The following RNF216 variants were observed in gnomAD, a reference collection of about 807,000 sequenced individuals.
RNF216 encodes ring finger protein 216.
In RNF216, 72 loss-of-function variants were observed where a neutral mutation model predicts 110.8. The observed-to-expected ratio is 0.65, with a 90% confidence interval of 0.54 to 0.79. The LOEUF is 0.79. RNF216 is among the 30% of genes least tolerant of loss of function. The pLI is 0.00. For synonymous variants in RNF216, 495 were observed against 407.5 expected (o/e 1.21, Z -2.59); for missense variants, 1,342 against 1,141.2 (o/e 1.18, Z -2.54).
chr7:5,676,747 G>T (rs1016583379), intron 13 of RNF216, among the ~76,000 whole-genome samples: 1 of 152,206 alleles, frequency 6.6e-6, no homozygotes, highest in Non-Finnish European at 1.5e-5. Context: ...GGGAGAGAAA[G>T]AAAACTCCTA....
intron 15 of RNF216, among the ~76,000 whole-genome samples, chr7:5,635,154 C>T (rs1787321698): frequency 6.6e-6 from 1 of 152,140 alleles, no homozygotes; most frequent in Admixed American, 6.6e-5. Context: ...GCACTGCCTC[C>T]CAGTCCCATG....
At chr7:5,641,500 G>A (rs1395979808) in intron 14 of RNF216, 124 bp from the exon 15 acceptor site, 9 of 770,566 alleles carry the variant, frequency 1.2e-5, no homozygotes, top group East Asian at 5.4e-5. Context: ...ACATTAAACA[G>A]TGAAAAGAGC....
intron 1 of RNF216, among the ~76,000 whole-genome samples, chr7:5,779,761 G>A (rs1368300125): frequency 2.7e-5 from 4 of 150,666 alleles, no homozygotes; most frequent in Non-Finnish European, 5.9e-5. Context: ...GCTGGCAGGC[G>A]GAGGGTGCAG....
intron 3 of RNF216, among the ~76,000 whole-genome samples, chr7:5,746,631 G>T (rs116486709): frequency 6.6e-6 from 1 of 152,138 alleles, no homozygotes; most frequent in Non-Finnish European, 1.5e-5. Context: ...TGGAGCCAAC[G>T]TCATCCCGGT....
At chr7:5,689,670 A>G (rs1753705267) in intron 13 of RNF216, among the ~76,000 whole-genome samples, 1 of 152,210 alleles carries the variant, frequency 6.6e-6, no homozygotes, top group South Asian at 2.1e-4. Flanking sequence ...AATAGTACAA[A>G]GGCCAGGCAT....
At chr7:5,753,624 G>C (rs1457200646) in intron 2 of RNF216, among the ~76,000 whole-genome samples, 4 of 152,260 alleles carry the variant, frequency 2.6e-5, no homozygotes, top group Middle Eastern at 3.4e-3. Context: ...TGTTTGATAT[G>C]AATTACTGGG....
Position 5,621,005 on chromosome 7 carries a change from G to A in RNF216, c.*1855C>T, listed in dbSNP as rs554409637. The A allele has an allele frequency of 6.6e-6, 1 of 152,320 alleles. No homozygotes were observed. Among genetic ancestry groups the A allele is most frequent in the South Asian group, 2.1e-4 (1 of 4,828 alleles). 9.4% of individuals were successfully genotyped at this position (152,320 alleles called of 1,614,324 possible). On this transcript the variant is annotated 3_prime_UTR_variant, in exon 17 of 17. Transcript: ENST00000389902. ...GCCTTTCCAAGGCACTGTCGTTCAG[G>A]CTAGTAGCAAAGTTCAGGCAGTCCA...
At chr7:5,693,114 G>A (rs1019404308) in intron 13 of RNF216, among the ~76,000 whole-genome samples, 2 of 152,182 alleles carry the variant, frequency 1.3e-5, no homozygotes, top group African/African-American at 4.8e-5. Context: ...TATGGTATAT[G>A]CTACGGGTTG....
intron 1 of RNF216, among the ~76,000 whole-genome samples, chr7:5,770,191 G>A (rs1175628194): frequency 3.3e-5 from 5 of 151,978 alleles, no homozygotes; most frequent in Admixed American, 6.6e-5. Context: ...GCTGGGCGCC[G>A]TGGCTCACAT....
intron 13 of RNF216, among the ~76,000 whole-genome samples, chr7:5,664,784 A>G (rs960443663): frequency 6.6e-6 from 1 of 152,182 alleles, no homozygotes; most frequent in Admixed American, 6.5e-5. Context: ...CTTAAAGGAC[A>G]CACAAAATTC....
intron 14 of RNF216, among the ~76,000 whole-genome samples, chr7:5,642,849 A>G (rs1265495447): frequency 1.3e-5 from 2 of 152,230 alleles, no homozygotes; most frequent in African/African-American, 4.8e-5. Context: ...GCAATTTTCT[A>G]CAGCACAAAC....
intron 13 of RNF216, among the ~76,000 whole-genome samples, chr7:5,667,181 A>G (rs1584411835): frequency 1.3e-5 from 2 of 152,178 alleles, no homozygotes; most frequent in South Asian, 4.1e-4. Context: ...TGACTAGTGG[A>G]TTTAAAGTTA....
At chr7:5,691,046 G>T (rs780841105) in intron 13 of RNF216, among the ~76,000 whole-genome samples, 1 of 152,154 alleles carries the variant, frequency 6.6e-6, no homozygotes, top group Non-Finnish European at 1.5e-5. Flanking sequence ...TCTCTTCCCA[G>T]CTCACACAGC....
Position 5,641,186 on chromosome 7 carries a change from A to G in RNF216, c.2350T>C (p.Cys784Arg). ...PRSPGAPCQE[C>R]SRCSLWTDPT... ...TCGGTCCAGAGAGAGCATCTTGAAC[A>G]CTCCTGGCAAGGGGCTCCTGGTGAG... The change falls in exon 15 of 17, where the codon TGT (cysteine) becomes CGT (arginine). Residue 784 changes from cysteine (C) to arginine (R), a missense_variant. By Grantham distance (180) the Cys-to-Arg change is radical (BLOSUM62 -3). Coordinates refer to ENST00000389902, the MANE Select transcript of RNF216 (RefSeq NM_207111.4). 6.2e-7 allele frequency: 1 copy of G among 1,614,112 alleles called. No homozygotes were observed. Among genetic ancestry groups the G allele is most frequent in the Non-Finnish European group, 8.5e-7 (1 of 1,180,018 alleles).
intron 1 of RNF216, among the ~76,000 whole-genome samples, chr7:5,778,472 CTA>C (rs1214050188): frequency 6.6e-5 from 10 of 152,290 alleles, no homozygotes; most frequent in South Asian, 2.1e-4. Flanking sequence ...ATTTAGGAAA[CTA>C]TGTGTAATTT....
intron 3 of RNF216, among the ~76,000 whole-genome samples, chr7:5,744,340 G>A (rs1197936439): frequency 6.6e-6 from 1 of 152,106 alleles, no homozygotes; most frequent in African/African-American, 2.4e-5. Context: ...GTAAGGCATA[G>A]ACAAAATGCA....
At chr7:5,720,207 C>A (rs1468820496) in intron 9 of RNF216, among the ~76,000 whole-genome samples, 2 of 152,016 alleles carry the variant, frequency 1.3e-5, no homozygotes. Flanking sequence ...CTGTGGGGAC[C>A]CACTTATGTG....
chr7:5,775,971 G>A (rs923855249), intron 1 of RNF216, among the ~76,000 whole-genome samples: 28 of 152,066 alleles, frequency 1.8e-4, no homozygotes, highest in African/African-American at 5.1e-4. Context: ...TTCCCAGCAT[G>A]TTTTTAAAAA....
In RNF216 at chr7:5,734,837, T is replaced by TAAAG. The variant is rs1794301774; in HGVS notation, c.1122-4021_1122-4020insCTTT. 2.8e-5 allele frequency among the ~76,000 whole-genome samples: 4 copies of TAAAG among 141,886 alleles called. No homozygotes were observed. In the South Asian group the frequency reaches 9.0e-4, roughly 32 times the overall value. 93.1% of individuals were successfully genotyped at this position (141,886 alleles called of 152,430 possible). On this transcript the variant is annotated intron_variant, in intron 5 of 16. Coordinates refer to ENST00000389902, the MANE Select transcript of RNF216 (RefSeq NM_207111.4). Reference sequence around the variant, plus strand: ...AAAACTCTCTCTCAAAATAAATAAATAAATAAATAAATAAATAAATAAATA... The same window carrying TAAAG: ...AAAACTCTCTCTCAAAATAAATAAATAAAGAAATAAATAAATAAATAAATAAATA...
Sources: gnomAD v4.1 joint callset for allele counts (sites outside exome capture counted in the v4.1 genomes callset) on GRCh38, gnomAD v4.1.1 for gene constraint, MANE v1.5 for transcripts, NCBI Gene and HGNC (gene_info 2026-07-23, HGNC 2026-07-21) for gene names.